Variants in BCO2 observed in about 807,000 individuals in gnomAD.
BCO2 encodes the protein carotenoid-cleaving dioxygenase, mitochondrial.
Under a neutral mutation model 65.8 loss-of-function variants are expected in BCO2, and 56 were observed. That is an observed-to-expected ratio of 0.85 (90% confidence interval 0.69 to 1.06). The LOEUF is 1.06. Among genes scored for constraint, BCO2 ranks in the 50% least tolerant of loss-of-function variants. The pLI, the probability that BCO2 is intolerant of heterozygous loss-of-function variation, is 0.00. For missense variants in BCO2, 675 were observed against 698.5 expected (o/e 0.97, Z 0.38); for synonymous variants, 233 against 242.3 (o/e 0.96, Z 0.36).
chr11:112,203,918 G>A (rs1442558331), intron 8 of BCO2, among the ~76,000 whole-genome samples: 36 of 151,776 alleles, frequency 2.4e-4, no homozygotes, highest in Admixed American at 2.4e-3. Context: ...GCAGTGGCGC[G>A]ATCTCGGCTT....
At chr11:112,200,585 A>G (rs796218451) in intron 6 of BCO2, 28 bp from the exon 7 acceptor site, 4 of 1,581,222 alleles carry the variant, frequency 2.5e-6, no homozygotes, top group South Asian at 1.2e-5. Context: ...GCCAAATAAC[A>G]TTTTTATTGT....
In BCO2 at chr11:112,209,148, A is replaced by C. The variant is rs117246179; in HGVS notation, c.1195-4576A>C. Among the ~76,000 whole-genome samples, 631 of 152,268 alleles carry C rather than the reference A, an allele frequency of 4.1e-3. 11 individuals are homozygous for C. Among genetic ancestry groups the C allele is most frequent in the East Asian group, 0.02 (103 of 5,184 alleles). ...CATGATGGTTAGGTCTGTGTTGTAC[A>C]GTTCTACCGGTTTTGAAAAATGCAT... On this transcript the variant is annotated intron_variant, in intron 8 of 11. Transcript: ENST00000357685.
At chr11:112,178,879 G>C (rs1866953578) in intron 1 of BCO2, among the ~76,000 whole-genome samples, 1 of 152,164 alleles carries the variant, frequency 6.6e-6, no homozygotes, top group Non-Finnish European at 1.5e-5. Context: ...ATTGAATGGT[G>C]GTCATTTTTA....
intron 2 of BCO2, chr11:112,181,737 CA>C: frequency 1.1e-6 from 1 of 902,956 alleles, no homozygotes; most frequent in Admixed American, 1.7e-5. Flanking sequence ...ACTGTGATGC[CA>C]GGGTTTGAAC....
chr11:112,192,506 T>G (rs1867419599), intron 2 of BCO2, among the ~76,000 whole-genome samples: 1 of 152,144 alleles, frequency 6.6e-6, no homozygotes, highest in Non-Finnish European at 1.5e-5. Context: ...ATTTCTAGTG[T>G]AATCATATGG....
intron 2 of BCO2, among the ~76,000 whole-genome samples, chr11:112,183,712 T>G (rs1867122545): frequency 6.6e-6 from 1 of 152,266 alleles, no homozygotes; most frequent in Non-Finnish European, 1.5e-5. Context: ...TGTCACACTG[T>G]ATGAATATGG....
rs1315847139 is a variant in BCO2 at position 112,217,816 on chromosome 11, G to A, written c.1682G>A (p.Arg561Gln). Residue 561 changes from arginine (R) to glutamine (Q), a missense_variant, in exon 12 of 12, where the codon CGA (arginine) becomes CAA (glutamine). By Grantham distance (43) the Arg-to-Gln change is conservative (BLOSUM62 1). Transcript: ENST00000357685. Reference protein sequence around the residue: ...LDAKNFEELGRAEVPVQMPYG... With the variant: ...LDAKNFEELGQAEVPVQMPYG... ...GCCAAGAACTTTGAAGAGCTGGGCC[G>A]AGCAGAGGTACCTGTGCAGATGCCT... is the stretch of plus-strand genomic sequence containing the variant. 8.7e-6 allele frequency: 14 copies of A among 1,614,134 alleles called. No homozygotes were observed. The highest frequency in any genetic ancestry group is 2.2e-5 in the East Asian group (1 of 44,886).
chr11:112,187,268 C>T (rs1329858178), intron 2 of BCO2, among the ~76,000 whole-genome samples: 1 of 152,196 alleles, frequency 6.6e-6, no homozygotes, highest in East Asian at 1.9e-4. Flanking sequence ...ACTTTCAACA[C>T]CACGCTCACT....
At chr11:112,206,148 T>G (rs1867862400) in intron 8 of BCO2, among the ~76,000 whole-genome samples, 2 of 150,094 alleles carry the variant, frequency 1.3e-5, no homozygotes, top group African/African-American at 4.9e-5. Flanking sequence ...TCCTCCTCAC[T>G]TCCCAGACAG....
At chr11:112,198,256 G>A (rs1055984569) in intron 5 of BCO2, among the ~76,000 whole-genome samples, 3 of 152,098 alleles carry the variant, frequency 2.0e-5, no homozygotes, top group Middle Eastern at 3.4e-3. Flanking sequence ...CCAGGAGTTC[G>A]AGGCTGCAAT....
chr11:112,214,816 A>G lies in BCO2; in HGVS notation c.1387A>G (p.Ile463Val), dbSNP rs1355110756. The G allele has an allele frequency of 3.1e-6, 5 of 1,613,850 alleles. No homozygotes were observed. The highest frequency in any genetic ancestry group is 1.7e-5 in the Admixed American group (1 of 60,012). The part of the protein sequence containing the change: ...HQEDLEKEGG[I>V]EFPQIYYDRF... ...GGAGGACCTAGAAAAGGAAGGAGGC[A>G]TTGAATTTCCTCAGATCTACTATGA... is the stretch of plus-strand genomic sequence containing the variant. The change falls in exon 10 of 12, where the codon ATT becomes GTT. Residue 463 changes from isoleucine (I) to valine (V), a missense_variant. By Grantham distance (29) the Ile-to-Val change is conservative. Transcript: ENST00000357685.
rs1278326574 is a variant in BCO2 at position 112,216,051 on chromosome 11, C to G, written c.1516-169C>G. 15 of 603,340 alleles carry G rather than the reference C, an allele frequency of 2.5e-5. No individual in the cohort carries two copies. The East Asian group carries it at 3.9e-4, about 16-fold the overall frequency. The allele number at this position is 603,340 out of a possible 1,614,324, so 37.4% of individuals were successfully genotyped here. ...ACTGGCCCCCATCACCCAGCACTTC[C>G]CACTAGGCCCCACCTTCAGCACTGG... On this transcript the variant is annotated intron_variant, in intron 10 of 11. Coordinates refer to ENST00000357685, the MANE Select transcript of BCO2 (RefSeq NM_031938.7).
At chr11:112,205,975 A>AT (rs1867855314) in intron 8 of BCO2, among the ~76,000 whole-genome samples, 1 of 152,084 alleles carries the variant, frequency 6.6e-6, no homozygotes, top group Non-Finnish European at 1.5e-5. Flanking sequence ...TAATTAATTT[A>AT]TTTTTAACTT....
chr11:112,196,927 C>G (rs1867598445), intron 5 of BCO2, among the ~76,000 whole-genome samples: 1 of 145,460 alleles, frequency 6.9e-6, no homozygotes, highest in Admixed American at 6.9e-5. Context: ...CTTCCCTTCC[C>G]TTCCCTTCCC....
Position 112,213,135 on chromosome 11 carries a change from T to TA in BCO2, c.1195-589_1195-588insA, listed in dbSNP as rs1243329835. 3.1e-3 allele frequency among the ~76,000 whole-genome samples: 261 copies of TA among 85,408 alleles called. 2 individuals carry two copies. The highest frequency in any genetic ancestry group is 9.7e-3 in the African/African-American group (249 of 25,590). 56.0% of individuals were successfully genotyped at this position (85,408 alleles called of 152,430 possible). A position where few individuals can be genotyped will look rare whatever the true frequency, so the allele number is the denominator to read the frequency against. ...TATTTGATGCTAATTAAATAACTTT[T>TA]TTTTTTTTTTTTTTTTTTTTTTTTT... On this transcript the variant is annotated intron_variant, in intron 8 of 11. Coordinates refer to ENST00000357685, the MANE Select transcript of BCO2 (RefSeq NM_031938.7).
At chr11:112,214,272 G>T (rs1334310329) in intron 9 of BCO2, among the ~76,000 whole-genome samples, 1 of 152,006 alleles carries the variant, frequency 6.6e-6, no homozygotes. Context: ...TCAGCCTCTC[G>T]AGTAGCTGGG....
intron 2 of BCO2, among the ~76,000 whole-genome samples, chr11:112,191,372 T>C (rs1867386592): frequency 6.6e-6 from 1 of 152,034 alleles, no homozygotes; most frequent in Non-Finnish European, 1.5e-5. Flanking sequence ...TCAGAGAACA[T>C]AATGGTAGGG....
intron 6 of BCO2, 189 bp from the exon 7 acceptor site, chr11:112,200,424 C>G (rs556068474): frequency 2.4e-4 from 124 of 511,338 alleles, no homozygotes; most frequent in African/African-American, 2.2e-3. Flanking sequence ...CTAAGCAGTT[C>G]CCTTTTTTAT....
chr11:112,185,383 C>T (rs545466462), intron 2 of BCO2, among the ~76,000 whole-genome samples: 8 of 152,108 alleles, frequency 5.3e-5, no homozygotes, highest in East Asian at 1.9e-4. Flanking sequence ...CTACTAGGGA[C>T]GTGAAGCTAT....
Sources: gnomAD v4.1 joint callset for allele counts (sites outside exome capture counted in the v4.1 genomes callset) on GRCh38, gnomAD v4.1.1 for gene constraint, MANE v1.5 for transcripts, NCBI Gene and HGNC (gene_info 2026-07-23, HGNC 2026-07-21) for gene names.